The following PATJ variants were observed in gnomAD, a reference collection of about 807,000 sequenced individuals.
The protein encoded by PATJ is inaD-like protein.
PATJ carries 190 observed loss-of-function variants against 224.9 expected under a neutral mutation model. The observed-to-expected ratio is 0.84, with a 90% CI of 0.75 to 0.95. The LOEUF (loss-of-function observed/expected upper bound fraction) is 0.95, where lower values mean the gene tolerates loss of function less well. Among genes scored for constraint, PATJ ranks in the 40% least tolerant of loss-of-function variants. The pLI is 0.00. For synonymous variants in PATJ, 769 were observed against 820.3 expected (o/e 0.94, Z 1.07); for missense variants, 2,121 against 2,270.3 (o/e 0.93, Z 1.34).
At chr1:61,949,220 AAAAAG>A (rs1473509471) in intron 27 of PATJ, among the ~76,000 whole-genome samples, 4 of 152,060 alleles carry the variant, frequency 2.6e-5, no homozygotes, top group African/African-American at 2.4e-5. Flanking sequence ...AATAATAAAA[AAAAAG>A]AAAAAAAAAG....
chr1:61,835,289 CT>C (rs1659990332), intron 17 of PATJ, among the ~76,000 whole-genome samples: 1 of 151,426 alleles, frequency 6.6e-6, no homozygotes, highest in Non-Finnish European at 1.5e-5. Context: ...CTTTTTTTTC[CT>C]TCCCCATTGT....
At chr1:61,760,619 C>CTTTTTTTTTTTTTTTTTTTTTTTTT (rs200693394) in intron 1 of PATJ, among the ~76,000 whole-genome samples, 1 of 135,482 alleles carries the variant, frequency 7.4e-6, no homozygotes, top group Admixed American at 7.5e-5. Flanking sequence ...TTTTCTTTTT[C>CTTTTTTTTTTTTTTTTTTTTTTTTT]TTTTTTTTTT....
chr1:61,944,291 A>T (rs1423122103), intron 27 of PATJ, among the ~76,000 whole-genome samples: 1 of 152,228 alleles, frequency 6.6e-6, no homozygotes, highest in Admixed American at 6.5e-5. Flanking sequence ...CTAAAGGAGG[A>T]TGTTTGAACC....
intron 27 of PATJ, among the ~76,000 whole-genome samples, chr1:61,957,903 G>A (rs921572944): frequency 1.3e-5 from 2 of 152,124 alleles, no homozygotes; most frequent in South Asian, 2.1e-4. Flanking sequence ...GAGCAAATTC[G>A]TTATTAGAAA....
chr1:61,833,582 T>A (rs1327563787), intron 16 of PATJ, 72 bp from the exon 17 acceptor site: 12 of 1,406,842 alleles, frequency 8.5e-6, no homozygotes, highest in Non-Finnish European at 9.6e-6. Flanking sequence ...GCTGTGAGAT[T>A]CTTGATGTGT....
intron 1 of PATJ, among the ~76,000 whole-genome samples, chr1:61,760,721 A>G (rs995712231): frequency 2.7e-5 from 4 of 150,898 alleles, no homozygotes; most frequent in African/African-American, 7.3e-5. Context: ...GGTTCAAGCA[A>G]TTCTCCTGCC....
At chr1:61,745,141 T>C (rs1368773942) in intron 1 of PATJ, among the ~76,000 whole-genome samples, 1 of 152,176 alleles carries the variant, frequency 6.6e-6, no homozygotes, top group African/African-American at 2.4e-5. Flanking sequence ...AACCCAGCAA[T>C]GCCTATCTGT....
At chr1:62,067,123 C>CTTTTTTTTTT (rs11381578) in intron 31 of PATJ, among the ~76,000 whole-genome samples, 40 of 116,436 alleles carry the variant, frequency 3.4e-4, no homozygotes, top group East Asian at 5.5e-4. Flanking sequence ...CCTATTCTTT[C>CTTTTTTTTTT]TTTTTTTTTT....
At chr1:61,910,897 T>C (rs1243712835) in intron 25 of PATJ, among the ~76,000 whole-genome samples, 1 of 152,152 alleles carries the variant, frequency 6.6e-6, no homozygotes, top group Non-Finnish European at 1.5e-5. Flanking sequence ...GAATCAAGTT[T>C]CATGTCTTTG....
intron 28 of PATJ, among the ~76,000 whole-genome samples, chr1:62,014,562 C>CTTTTTTTTTTTTTT (rs35711547): frequency 1.2e-5 from 1 of 84,518 alleles, no homozygotes. Context: ...CTTTTCTTTC[C>CTTTTTTTTTTTTTT]TTTTTTTTTT....
chr1:62,137,647 T>TGCCTCCGGAGGGGGGA (rs1558222063), intron 41 of PATJ, among the ~76,000 whole-genome samples: 2 of 99,422 alleles, frequency 2.0e-5, no homozygotes, highest in Non-Finnish European at 3.9e-5. Context: ...GAGGGGGAAA[T>TGCCTCCGGAGGGGGGA]ACCTCTGGAG....
chr1:61,783,745 CTTTT>C (rs11372619), intron 7 of PATJ, among the ~76,000 whole-genome samples: 2 of 117,892 alleles, frequency 1.7e-5, no homozygotes, highest in African/African-American at 3.3e-5. Flanking sequence ...AGAGTTGCTA[CTTTT>C]TTTTTTTTTT....
intron 7 of PATJ, among the ~76,000 whole-genome samples, chr1:61,784,319 C>A (rs1648034078): frequency 6.6e-6 from 1 of 152,194 alleles, no homozygotes; most frequent in African/African-American, 2.4e-5. Flanking sequence ...TTTCCTCACA[C>A]AGAAGACAGG....
At chr1:62,075,417 G>A (rs1658121140) in intron 31 of PATJ, among the ~76,000 whole-genome samples, 1 of 152,172 alleles carries the variant, frequency 6.6e-6, no homozygotes, top group Non-Finnish European at 1.5e-5. Flanking sequence ...GCACAATGAT[G>A]GGTTTATTTA....
chr1:61,791,232 A>T, intron 8 of PATJ, 116 bp from the exon 9 acceptor site: 1 of 576,960 alleles, frequency 1.7e-6, no homozygotes, highest in Non-Finnish European at 3.0e-6. Context: ...GGACCATCTT[A>T]AAATTCTGCC....
intron 28 of PATJ, among the ~76,000 whole-genome samples, chr1:62,008,177 A>G (rs1558031864): frequency 6.6e-6 from 1 of 152,176 alleles, no homozygotes. Flanking sequence ...GTCCTAGCCT[A>G]TGTTATATGC....
chr1:62,107,320 G>A (rs7531871), intron 33 of PATJ, among the ~76,000 whole-genome samples: 42,233 of 149,966 alleles, frequency 0.28, 6,844 homozygotes, highest in African/African-American at 0.44. Context: ...AAAAAAAAAG[G>A]AGAAGCTGTG....
chr1:61,801,597 T>TA, intron 11 of PATJ, 26 bp from the exon 12 acceptor site: 2 of 1,412,192 alleles, frequency 1.4e-6, no homozygotes, highest in Non-Finnish European at 1.9e-6. Context: ...AACAAAATTT[T>TA]AAAAAATTAT....
chr1:61,919,203 C>A (rs1369373905), intron 26 of PATJ, among the ~76,000 whole-genome samples: 1 of 151,612 alleles, frequency 6.6e-6, no homozygotes. Flanking sequence ...TGTTTGAATT[C>A]ATTCCCCTTT....
Sources: allele counts gnomAD v4.1 joint callset (sites outside exome capture counted in the v4.1 genomes callset), GRCh38; gene constraint gnomAD v4.1.1; transcripts MANE v1.5; gene names NCBI Gene and HGNC (gene_info 2026-07-23, HGNC 2026-07-21).